ADCY9: variants seen among roughly 807,000 people sequenced by gnomAD.
The protein encoded by ADCY9 is adenylate cyclase 9, also known as adenylate cyclase type 9.
ADCY9 carries 50 observed loss-of-function variants against 101.5 expected under a neutral mutation model. The observed-to-expected ratio is 0.49, with a 90% confidence interval of 0.39 to 0.62. The LOEUF is 0.62. ADCY9 is among the 20% of genes least tolerant of loss of function. The pLI is 0.00. For synonymous variants in ADCY9, 905 were observed against 769.3 expected (o/e 1.18, Z -2.92); for missense variants, 1,662 against 1,800.4 (o/e 0.92, Z 1.39).
chr16:4,050,766 T>C (rs942184139), intron 2 of ADCY9, among the ~76,000 whole-genome samples: 1 of 150,736 alleles, frequency 6.6e-6, no homozygotes, highest in Admixed American at 6.6e-5. Flanking sequence ...GAGAAGTCCT[T>C]GTAGCCGTAA....
rs150548215 is a variant in ADCY9, at chr16:3,956,775, G to T, written c.568-3259C>A. On this transcript the variant is annotated intron_variant, in intron 5 of 5. Coordinates refer to the ADCY9 transcript ENST00000576936. ...CTCCCAAAGTGCTGAGACTACAGGC[G>T]TGAGCCACCGTGCCCGGCCAGCAAT... Among the ~76,000 whole-genome samples, 336 of 151,800 alleles carry T rather than the reference G, an allele frequency of 2.2e-3. 3 individuals are homozygous for T. Among genetic ancestry groups the T allele is most frequent in the African/African-American group, 7.4e-3 (306 of 41,394 alleles).
intron 2 of ADCY9, among the ~76,000 whole-genome samples, chr16:4,100,930 A>C (rs137872358): frequency 3.5e-4 from 54 of 152,300 alleles, no homozygotes; most frequent in African/African-American, 1.3e-3. Flanking sequence ...AGAGAGCTAA[A>C]GACAGGTATC....
intron 2 of ADCY9, among the ~76,000 whole-genome samples, chr16:4,098,304 A>G (rs560945182): frequency 6.6e-6 from 1 of 151,600 alleles, no homozygotes; most frequent in Non-Finnish European, 1.5e-5. Flanking sequence ...GTAGTGGTGC[A>G]ATCTCAGCAA....
intron 2 of ADCY9, among the ~76,000 whole-genome samples, chr16:4,027,249 T>C (rs2056522122): frequency 6.6e-6 from 1 of 152,250 alleles, no homozygotes. Context: ...AATCTGTGCT[T>C]CCCTTGCTTC....
intron 4 of ADCY9, 86 bp downstream of exon 4, chr16:3,993,320 C>A: frequency 6.4e-7 from 1 of 1,573,976 alleles, no homozygotes; most frequent in Middle Eastern, 1.7e-4. Flanking sequence ...ACTCTCAGAA[C>A]TAAGAAGTCG....
chr16:4,106,116 T>C (rs1043554821), intron 2 of ADCY9, among the ~76,000 whole-genome samples: 5 of 152,314 alleles, frequency 3.3e-5, no homozygotes, highest in African/African-American at 1.2e-4. Flanking sequence ...ATGCCAGGAA[T>C]TTTTTACAAG....
chr16:4,037,073 C>T (rs890637891), intron 2 of ADCY9, among the ~76,000 whole-genome samples: 2 of 152,088 alleles, frequency 1.3e-5, no homozygotes, highest in South Asian at 2.1e-4. Context: ...TCCAGAACTT[C>T]GAGAGGCCAA....
chr16:4,115,477 C>A lies in ADCY9; in HGVS notation c.-35G>T. ...TCCCGGGGCCTGCCCCGGCCGGGGT[C>A]ACCAGTACCTGCCAGCAAAACGGGG... On this transcript the variant is annotated 5_prime_UTR_variant, in exon 2 of 11. Transcript: ENST00000294016. This position sits in a 1 kb window ranked among gnomAD's most constrained non-coding sequence, Gnocchi z 6.2. The A allele has an allele frequency of 1.3e-6, 2 of 1,494,254 alleles. No homozygotes were observed. Among genetic ancestry groups the A allele is most frequent in the South Asian group, 2.6e-5 (2 of 76,860 alleles). 92.6% of individuals were successfully genotyped at this position (1,494,254 alleles called of 1,614,324 possible). A position where few individuals can be genotyped will look rare whatever the true frequency, so the allele number is the denominator to read the frequency against.
chr16:4,080,780 G>T (rs1208643957), intron 2 of ADCY9, among the ~76,000 whole-genome samples: 1 of 144,230 alleles, frequency 6.9e-6, no homozygotes, highest in South Asian at 2.1e-4. Context: ...TGGCAACCAA[G>T]GTCCCGTAGA....
At chr16:4,080,927 G>C (rs1394200962) in intron 2 of ADCY9, among the ~76,000 whole-genome samples, 1 of 152,052 alleles carries the variant, frequency 6.6e-6, no homozygotes, top group Non-Finnish European at 1.5e-5. Flanking sequence ...AATTTCCCTT[G>C]TCTCTGGGAT....
chr16:3,983,485 C>A (rs202176188), intron 6 of ADCY9, 45 bp from the exon 7 acceptor site: 22 of 1,502,174 alleles, frequency 1.5e-5, no homozygotes, highest in Non-Finnish European at 2.0e-5. Flanking sequence ...AGGCCATGGG[C>A]GGCCAGGAGC....
At chr16:4,077,438 G>A (rs979564808) in intron 2 of ADCY9, among the ~76,000 whole-genome samples, 4 of 152,184 alleles carry the variant, frequency 2.6e-5, no homozygotes, top group Non-Finnish European at 4.4e-5. Context: ...CAAGAAGTAC[G>A]CCAGCATTCT....
At chr16:4,031,491 G>T (rs925254776) in intron 2 of ADCY9, among the ~76,000 whole-genome samples, 2 of 152,080 alleles carry the variant, frequency 1.3e-5, no homozygotes, top group African/African-American at 2.4e-5. Context: ...AAAGAAATTT[G>T]GCAAAATGTT....
At chr16:4,043,144 T>C (rs753674565) in intron 2 of ADCY9, among the ~76,000 whole-genome samples, 11 of 151,990 alleles carry the variant, frequency 7.2e-5, no homozygotes, top group Non-Finnish European at 1.5e-4. Flanking sequence ...GGCAGGAGAA[T>C]GGCGTGAACC....
chr16:4,075,068 T>G (rs1032009617), intron 2 of ADCY9, among the ~76,000 whole-genome samples: 1 of 152,138 alleles, frequency 6.6e-6, no homozygotes, highest in Non-Finnish European at 1.5e-5. Flanking sequence ...TCCCAGCTAC[T>G]CAGGAAGCTG....
In ADCY9 at chr16:4,107,740, G is replaced by C. The variant is rs1253392924; in HGVS notation, c.1693+6010C>G. On this transcript the variant is annotated intron_variant, in intron 2 of 10. Coordinates refer to ENST00000294016, the MANE Select transcript of ADCY9 (RefSeq NM_001116.4). The stretch of plus-strand genomic sequence containing the variant: ...GCAACTGAACCCCAAACCAACACCT[G>C]GCTAGGGTTCTGTCAGCTGGCAGGC... Among the ~76,000 whole-genome samples, 3 of 152,040 alleles carry C rather than the reference G, an allele frequency of 2.0e-5. No homozygotes were observed. In the East Asian group the frequency reaches 5.8e-4, roughly 29 times the overall value.
intron 2 of ADCY9, among the ~76,000 whole-genome samples, chr16:4,014,730 G>A (rs988867520): frequency 6.6e-6 from 1 of 152,016 alleles, no homozygotes; most frequent in African/African-American, 2.4e-5. Context: ...TTAAAGGCGT[G>A]AGCCACCACA....
At chr16:4,039,827 T>C (rs187020236) in intron 2 of ADCY9, among the ~76,000 whole-genome samples, 152 of 152,128 alleles carry the variant, frequency 1.0e-3, no homozygotes, top group African/African-American at 3.5e-3. Context: ...TCGTTTGAGC[T>C]CGGGTGTTCA....
intron 2 of ADCY9, among the ~76,000 whole-genome samples, chr16:4,025,553 G>C (rs1485173717): frequency 6.6e-6 from 1 of 152,202 alleles, no homozygotes; most frequent in Non-Finnish European, 1.5e-5. Context: ...GTGTGCGAGT[G>C]TGTGCAAGGT....
Sources: allele counts gnomAD v4.1 joint callset (sites outside exome capture counted in the v4.1 genomes callset), GRCh38; gene constraint gnomAD v4.1.1; non-coding constraint Gnocchi (gnomAD v3.1); transcripts MANE v1.5; gene names NCBI Gene and HGNC (gene_info 2026-07-23, HGNC 2026-07-21).